Variants in PTPRE observed in about 807,000 individuals in gnomAD.
PTPRE encodes receptor-type tyrosine-protein phosphatase epsilon.
A neutral mutation model predicts 102.0 loss-of-function variants in PTPRE; 51 were observed. The observed-to-expected ratio is 0.50, with a 90% confidence interval of 0.40 to 0.63. The LOEUF (loss-of-function observed/expected upper bound fraction) is 0.63, where lower values mean the gene tolerates loss of function less well. PTPRE is among the 30% of genes least tolerant of loss of function. The pLI is 0.00. For missense variants in PTPRE, 752 were observed against 915.1 expected (o/e 0.82, Z 2.30); for synonymous variants, 345 against 348.2 (o/e 0.99, Z 0.10).
chr10:128,069,607 C>G (rs1850582921), intron 12 of PTPRE, 85 bp from the exon 13 acceptor site: 2 of 1,551,278 alleles, frequency 1.3e-6, no homozygotes, highest in Non-Finnish European at 1.7e-6. Context: ...ATCCAGTGAC[C>G]TGGGTGCGCA....
chr10:128,070,574 G>A lies in PTPRE; in HGVS notation c.1293+124G>A, dbSNP rs1252549674. ...CCCTTAACTGACCTCAGAAAAAGCAGGGGCAATACCTGAGCCATGATTTAC... is the reference window on the plus strand; with the variant it reads ...CCCTTAACTGACCTCAGAAAAAGCAAGGGCAATACCTGAGCCATGATTTAC... On this transcript the variant is annotated intron_variant, in intron 14 of 20. Coordinates refer to ENST00000254667, the MANE Select transcript of PTPRE (RefSeq NM_006504.6). The surrounding 1 kb of genome is among the most constrained non-coding windows in gnomAD (Gnocchi z 4.8). 23 of 1,332,688 alleles carry A rather than the reference G, an allele frequency of 1.7e-5. No homozygotes were observed. The highest frequency in any genetic ancestry group is 2.9e-5 in the South Asian group (2 of 67,980). The allele number at this position is 1,332,688 out of a possible 1,614,324, so 82.6% of individuals were successfully genotyped here. A position where few individuals can be genotyped will look rare whatever the true frequency, so the allele number is the denominator to read the frequency against.
chr10:127,957,447 A>G (rs929764616), intron 1 of PTPRE, among the ~76,000 whole-genome samples: 1 of 152,150 alleles, frequency 6.6e-6, no homozygotes, highest in African/African-American at 2.4e-5. Flanking sequence ...TGTTACATAG[A>G]TAATCATGTA....
At chr10:128,057,274 C>T (rs929564697) in intron 7 of PTPRE, among the ~76,000 whole-genome samples, 6 of 151,900 alleles carry the variant, frequency 3.9e-5, no homozygotes, top group African/African-American at 1.5e-4. Flanking sequence ...AGTTGGGGAT[C>T]CTTCACCTGG....
intron 1 of PTPRE, among the ~76,000 whole-genome samples, chr10:127,958,110 T>C (rs1849535351): frequency 6.6e-6 from 1 of 152,186 alleles, no homozygotes; most frequent in African/African-American, 2.4e-5. Context: ...TTCTTCCAGG[T>C]TTGTTACATA....
At chr10:127,968,009 G>GGTGTGTGTGT (rs142445895) in intron 1 of PTPRE, among the ~76,000 whole-genome samples, 141 of 143,224 alleles carry the variant, frequency 9.8e-4, no homozygotes, top group African/African-American at 2.6e-3. Flanking sequence ...TTGCTCTATA[G>GGTGTGTGTGT]GTGTGTGTGT....
intron 20 of PTPRE, 84 bp downstream of exon 20, chr10:128,079,779 A>G (rs927094237): frequency 6.7e-7 from 1 of 1,489,564 alleles, no homozygotes; most frequent in African/African-American, 1.4e-5. Flanking sequence ...AAAGGACCTT[A>G]AGTACATGGG....
chr10:128,069,882 C>A, intron 13 of PTPRE, 55 bp downstream of exon 13: 15 of 1,612,876 alleles, frequency 9.3e-6, no homozygotes, highest in Non-Finnish European at 1.3e-5. Context: ...AACCCGATGC[C>A]TTCGCCACAC....
chr10:128,084,971 C>T lies in PTPRE; in HGVS notation c.*2065C>T. The T allele has an allele frequency of 2.8e-6, 1 of 356,440 alleles. No homozygotes were observed. The highest frequency in any genetic ancestry group is 5.7e-6 in the Non-Finnish European group (1 of 175,888). The allele number at this position is 356,440 out of a possible 1,614,324, so 22.1% of individuals were successfully genotyped here. A position where few individuals can be genotyped will look rare whatever the true frequency, so the allele number is the denominator to read the frequency against. On this transcript the variant is annotated 3_prime_UTR_variant, in exon 21 of 21. Transcript: ENST00000254667. ...TTAAGGTAGACCTTTTCAGGGTGCC[C>T]TCAGGAAAGGGCCCTGCTCATGTTT...
chr10:128,022,996 G>A (rs367937715), intron 2 of PTPRE, among the ~76,000 whole-genome samples: 289 of 152,320 alleles, frequency 1.9e-3, no homozygotes, highest in African/African-American at 5.5e-3. Flanking sequence ...AGTAGAGAGC[G>A]CCATCTGCAT....
intron 2 of PTPRE, among the ~76,000 whole-genome samples, chr10:128,029,176 G>T (rs569731189): frequency 1.3e-5 from 2 of 152,162 alleles, no homozygotes; most frequent in Non-Finnish European, 2.9e-5. Flanking sequence ...CGGAAGGCTC[G>T]TGGGGGCTCA....
At chr10:128,029,508 T>C (rs1846551656) in intron 2 of PTPRE, among the ~76,000 whole-genome samples, 1 of 152,074 alleles carries the variant, frequency 6.6e-6, no homozygotes, top group Non-Finnish European at 1.5e-5. Flanking sequence ...CTACAGCAGA[T>C]GAGAAGGACA....
chr10:128,045,770 A>T (rs2135827510), intron 3 of PTPRE, among the ~76,000 whole-genome samples: 1 of 152,330 alleles, frequency 6.6e-6, no homozygotes, highest in East Asian at 1.9e-4. Flanking sequence ...TTGGAGGTCA[A>T]AGGCGGGGGA....
At chr10:127,961,226 G>A (rs1287065908) in intron 1 of PTPRE, among the ~76,000 whole-genome samples, 3 of 152,106 alleles carry the variant, frequency 2.0e-5, no homozygotes, top group East Asian at 1.9e-4. Context: ...AAATGAAAAC[G>A]ATTAACATTC....
chr10:127,976,327 G>A (rs574517864), intron 1 of PTPRE, among the ~76,000 whole-genome samples: 1 of 152,142 alleles, frequency 6.6e-6, no homozygotes, highest in Non-Finnish European at 1.5e-5. Context: ...ATAGACAGAC[G>A]AGGCAGTATG....
intron 1 of PTPRE, among the ~76,000 whole-genome samples, chr10:127,922,845 T>TC (rs1403478568): frequency 6.6e-6 from 1 of 152,080 alleles, no homozygotes; most frequent in Admixed American, 6.5e-5. Flanking sequence ...CCATCTTCCC[T>TC]CCCCCTCTGC....
At chr10:128,066,046 A>G in intron 10 of PTPRE, 29 bp from the exon 11 acceptor site, 2 of 1,614,002 alleles carry the variant, frequency 1.2e-6, no homozygotes, top group Non-Finnish European at 1.7e-6. Context: ...CCACAGATCT[A>G]TTTGCTTCTA....
intron 20 of PTPRE, 52 bp downstream of exon 20, chr10:128,079,747 T>C (rs986445082): frequency 6.4e-7 from 1 of 1,562,568 alleles, no homozygotes; most frequent in African/African-American, 1.4e-5. Flanking sequence ...TATTTCATGT[T>C]GTATTTGATG....
At chr10:127,988,184 C>T (rs1852268283) in intron 2 of PTPRE, among the ~76,000 whole-genome samples, 5 of 152,196 alleles carry the variant, frequency 3.3e-5, no homozygotes, top group Admixed American at 3.3e-4. Flanking sequence ...CTACCTGATA[C>T]AGGAACTCAC....
intron 11 of PTPRE, 60 bp downstream of exon 11, chr10:128,066,254 G>A: frequency 6.3e-7 from 1 of 1,589,908 alleles, no homozygotes; most frequent in Non-Finnish European, 8.6e-7. Context: ...ATCATGCCCA[G>A]AGTTAACATC....
Sources: allele counts gnomAD v4.1 joint callset (sites outside exome capture counted in the v4.1 genomes callset), GRCh38; gene constraint gnomAD v4.1.1; non-coding constraint Gnocchi (gnomAD v3.1); transcripts MANE v1.5; gene names NCBI Gene and HGNC (gene_info 2026-07-23, HGNC 2026-07-21).